Variants in DGKB observed in about 807,000 individuals in gnomAD.
The protein encoded by DGKB is 90 kDa diacylglycerol kinase.
Under a neutral mutation model 114.3 loss-of-function variants are expected in DGKB, and 67 were observed. The ratio of observed to expected loss-of-function variants is 0.59; its 90% CI spans 0.48 to 0.72. DGKB has a LOEUF of 0.72. Among genes scored for constraint, DGKB ranks in the 30% least tolerant of loss-of-function variants. DGKB has a pLI of 0.00. For synonymous variants in DGKB, 398 were observed against 323.1 expected, an observed-to-expected ratio of 1.23 and a Z score of -2.49; for missense variants, 907 against 975.2, an observed-to-expected ratio of 0.93 and a Z score of 0.93.
At chr7:14,188,908 G>C (rs57265749) in intron 23 of DGKB, among the ~76,000 whole-genome samples, 22,386 of 151,892 alleles carry the variant, frequency 0.15, 1,756 homozygotes, top group African/African-American at 0.18. Context: ...AAAAAAAGCT[G>C]TCAGTTGAGA....
intron 1 of DGKB, among the ~76,000 whole-genome samples, chr7:14,931,111 TA>T (rs548330098): frequency 1.4e-5 from 2 of 146,408 alleles, no homozygotes; most frequent in Non-Finnish European, 3.0e-5. Flanking sequence ...AGTTTGCTAG[TA>T]TTTTTTTTTT....
At chr7:14,607,670 C>A (rs540345248) in intron 16 of DGKB, among the ~76,000 whole-genome samples, 162 bp from the exon 17 acceptor site, 10 of 151,378 alleles carry the variant, frequency 6.6e-5, no homozygotes, top group African/African-American at 2.4e-4. Context: ...ATCAGAAGTC[C>A]AACAGCTCAA....
At chr7:14,480,919 T>C (rs1026922198) in intron 20 of DGKB, among the ~76,000 whole-genome samples, 9 of 152,082 alleles carry the variant, frequency 5.9e-5, no homozygotes, top group Admixed American at 5.2e-4. Context: ...TAAATGAGAA[T>C]GCTAAATATG....
intron 23 of DGKB, among the ~76,000 whole-genome samples, chr7:14,220,940 T>A (rs1449266693): frequency 6.6e-6 from 1 of 151,382 alleles, no homozygotes; most frequent in Non-Finnish European, 1.5e-5. Context: ...GAGGCTATAA[T>A]AAAATTTTTT....
chr7:14,760,227 G>T, intron 2 of DGKB, among the ~76,000 whole-genome samples: 1 of 152,110 alleles, frequency 6.6e-6, no homozygotes, highest in African/African-American at 2.4e-5. Flanking sequence ...TCCATATTGT[G>T]ATCAGAGTTA....
At chr7:14,917,951 T>C (rs947070395) in intron 1 of DGKB, among the ~76,000 whole-genome samples, 5 of 152,040 alleles carry the variant, frequency 3.3e-5, no homozygotes, top group African/African-American at 1.2e-4. Flanking sequence ...TAGTTGAACA[T>C]TTGAAAATCA....
intron 2 of DGKB, among the ~76,000 whole-genome samples, chr7:14,824,968 T>C (rs942726899): frequency 1.4e-5 from 2 of 147,350 alleles, no homozygotes; most frequent in Non-Finnish European, 3.0e-5. Context: ...TAAATCCATA[T>C]ATACATATTT....
Position 14,655,111 on chromosome 7 carries a change from G to A in DGKB, c.1134+17818C>T, listed in dbSNP as rs142597562. On this transcript the variant is annotated intron_variant, in intron 13 of 25. Transcript: ENST00000402815. ...TGAACAGACAATCTGTATATTGGGA[G>A]AAAATATCTACAAACTATTTACCTG... Among the ~76,000 whole-genome samples, 253 of 151,872 alleles carry A rather than the reference G, an allele frequency of 1.7e-3. 2 individuals are homozygous for A. The East Asian group carries it at 0.033, about 20-fold the overall frequency.
At chr7:14,599,655 T>C (rs1803198466) in intron 17 of DGKB, among the ~76,000 whole-genome samples, 1 of 152,194 alleles carries the variant, frequency 6.6e-6, no homozygotes, top group Non-Finnish European at 1.5e-5. Flanking sequence ...TAATATATGT[T>C]TTCCATCACT....
In DGKB at chr7:14,442,851, C is replaced by T. The variant is rs555808787; in HGVS notation, c.1835+35310G>A. Among the ~76,000 whole-genome samples the T allele has an allele frequency of 1.2e-4, 19 of 152,040 alleles. 1 individual carries two copies. The South Asian group carries it at 3.9e-3, about 32-fold the overall frequency. Reference sequence around the variant, plus strand: ...ATGTGCCACTGTGCCCCACTCTATGCCATATGATTTTTTAAATCTATAATG... The same window carrying T: ...ATGTGCCACTGTGCCCCACTCTATGTCATATGATTTTTTAAATCTATAATG... On this transcript the variant is annotated intron_variant, in intron 21 of 25. Transcript: ENST00000402815.
rs1258046858 is a variant in DGKB at position 14,149,029 on chromosome 7, T to A, written c.*102A>T. The A allele has an allele frequency of 9.9e-7, 1 of 1,013,854 alleles. No individual in the cohort carries two copies. The highest frequency in any genetic ancestry group is 2.4e-5 in the East Asian group (1 of 41,434). The allele number at this position is 1,013,854 out of a possible 1,614,324, so 62.8% of individuals were successfully genotyped here. A position where few individuals can be genotyped will look rare whatever the true frequency, so the allele number is the denominator to read the frequency against. The stretch of plus-strand genomic sequence containing the variant: ...AAAACTGTTAAACCACTTCCATGAT[T>A]TTGCATGAGCAGGAGACTTGAAATG... On this transcript the variant is annotated 3_prime_UTR_variant, in exon 26 of 26. Coordinates refer to ENST00000402815, the MANE Select transcript of DGKB (RefSeq NM_001350709.2).
At chr7:14,687,602 T>C (rs1001229193) in intron 9 of DGKB, among the ~76,000 whole-genome samples, 3 of 152,146 alleles carry the variant, frequency 2.0e-5, no homozygotes, top group Non-Finnish European at 4.4e-5. Context: ...CATCCTTATG[T>C]GGAAAGGTTA....
At chr7:14,194,493 G>A (rs1315596894) in intron 23 of DGKB, among the ~76,000 whole-genome samples, 1 of 152,048 alleles carries the variant, frequency 6.6e-6, no homozygotes, top group East Asian at 1.9e-4. Context: ...ATGTGGAATA[G>A]TAAAAATAAT....
intron 8 of DGKB, among the ~76,000 whole-genome samples, chr7:14,694,423 T>C (rs1270707323): frequency 6.6e-6 from 1 of 152,236 alleles, no homozygotes; most frequent in Non-Finnish European, 1.5e-5. Context: ...AACTTTTCAA[T>C]ATTTTTCCCA....
chr7:14,387,399 G>A (rs1297549031), intron 21 of DGKB, among the ~76,000 whole-genome samples: 1 of 115,410 alleles, frequency 8.7e-6, no homozygotes. Context: ...GTGACAGAGT[G>A]AGACTCCATC....
chr7:14,826,080 G>C (rs76986321), intron 2 of DGKB, among the ~76,000 whole-genome samples: 4,991 of 152,234 alleles, frequency 0.033, 193 homozygotes, highest in Admixed American at 0.11. Context: ...TCTGGGGCTT[G>C]CACGAAGTAG....
chr7:14,749,601 A>T (rs1833834250), intron 4 of DGKB, among the ~76,000 whole-genome samples: 1 of 152,214 alleles, frequency 6.6e-6, no homozygotes, highest in Admixed American at 6.5e-5. Context: ...TATGTCTTTT[A>T]ATCAAGGATC....
rs554298563 is a variant in DGKB at position 14,672,925 on chromosome 7, T to G, written c.1134+4A>C. On this transcript the variant is annotated splice_donor_region_variant and intron_variant, in intron 13 of 25. Coordinates refer to ENST00000402815, the MANE Select transcript of DGKB (RefSeq NM_001350709.2). ...TTATAGTAGAATGATAAGGAAAAAC[T>G]CACCAGTACCACTGGACAGATTGTT... is the stretch of plus-strand genomic sequence containing the variant. 1 of 1,536,736 alleles carries G rather than the reference T, an allele frequency of 6.5e-7. No homozygotes were observed. The highest frequency in any genetic ancestry group is 1.2e-5 in the South Asian group (1 of 83,630).
At chr7:14,717,068 T>G (rs1002433867) in intron 6 of DGKB, among the ~76,000 whole-genome samples, 1 of 151,878 alleles carries the variant, frequency 6.6e-6, no homozygotes, top group Non-Finnish European at 1.5e-5. Context: ...GTGGATGAGA[T>G]TCATCATGTC....
Sources: gnomAD v4.1 joint callset for allele counts (sites outside exome capture counted in the v4.1 genomes callset) on GRCh38, gnomAD v4.1.1 for gene constraint, MANE v1.5 for transcripts, NCBI Gene and HGNC (gene_info 2026-07-23, HGNC 2026-07-21) for gene names.